ITPR3: variants seen among roughly 807,000 people sequenced by gnomAD.
ITPR3 encodes inositol 1,4,5-trisphosphate receptor type 3.
A neutral mutation model predicts 293.2 loss-of-function variants in ITPR3; 173 were observed. The ratio of observed to expected loss-of-function variants is 0.59; its 90% CI spans 0.52 to 0.67. The LOEUF (loss-of-function observed/expected upper bound fraction) is 0.67, where lower values mean the gene tolerates loss of function less well. ITPR3 is among the 30% of genes least tolerant of loss of function. The pLI is 0.00. For missense variants in ITPR3, 2,796 were observed against 3,592.1 expected (o/e 0.78, Z 5.66); for synonymous variants, 1,295 against 1,444.4 (o/e 0.90, Z 2.35).
rs1357665475 is a variant in ITPR3 at position 33,655,198 on chromosome 6, G to A, written c.161-568G>A. 2.6e-5 allele frequency among the ~76,000 whole-genome samples: 4 copies of A among 152,162 alleles called. No individual in the cohort carries two copies. Among genetic ancestry groups the A allele is most frequent in the Admixed American group, 2.6e-4 (4 of 15,280 alleles). Reference sequence around the variant, plus strand: ...AGGGCAGGAGAAGAAGCTGAGCAAGGGTGTGGTTTCAGTGGAAGATGCGCC... The same window carrying A: ...AGGGCAGGAGAAGAAGCTGAGCAAGAGTGTGGTTTCAGTGGAAGATGCGCC... On this transcript the variant is annotated intron_variant, in intron 2 of 57. Transcript: ENST00000605930. The surrounding 1 kb of genome is among the most constrained non-coding windows in gnomAD (Gnocchi z 4.9).
At chr6:33,688,506 C>A in intron 48 of ITPR3, 75 bp downstream of exon 48, 1 of 1,497,426 alleles carries the variant, frequency 6.7e-7, no homozygotes, top group Non-Finnish European at 8.9e-7. Context: ...GCCTCCTTTG[C>A]CTGCCTGTGG....
chr6:33,660,592 C>G (rs1764437559), intron 7 of ITPR3, among the ~76,000 whole-genome samples: 2 of 152,140 alleles, frequency 1.3e-5, no homozygotes. Flanking sequence ...TCCTGGAAGC[C>G]TTCCCTAATG....
At chr6:33,623,445 G>A (rs1178335426) in intron 1 of ITPR3, among the ~76,000 whole-genome samples, 1 of 149,408 alleles carries the variant, frequency 6.7e-6, no homozygotes, top group Non-Finnish European at 1.5e-5. Flanking sequence ...TCCTGCCTCA[G>A]CTCCCAAAAC....
intron 55 of ITPR3, 127 bp downstream of exon 55, chr6:33,693,020 T>C: frequency 1.1e-6 from 1 of 895,922 alleles, no homozygotes; most frequent in Non-Finnish European, 1.7e-6. Flanking sequence ...ACTTGATGCA[T>C]TTGCTCATCC....
At chr6:33,693,735 G>A in intron 56 of ITPR3, 30 bp downstream of exon 56, 1 of 1,610,202 alleles carries the variant, frequency 6.2e-7, no homozygotes, top group Non-Finnish European at 8.5e-7. Context: ...CAGGCCTGTG[G>A]GCCCAAACCA....
chr6:33,627,328 A>G (rs1763571017), intron 1 of ITPR3, among the ~76,000 whole-genome samples: 1 of 152,208 alleles, frequency 6.6e-6, no homozygotes, highest in Admixed American at 6.5e-5. Context: ...ATTCCCTATG[A>G]CCTTCTAGCC....
chr6:33,695,327 C>CTT, intron 57 of ITPR3: 1 of 574,058 alleles, frequency 1.7e-6, no homozygotes, highest in South Asian at 2.2e-5. Flanking sequence ...GTGGGGCCCT[C>CTT]TGTCTCTCAT....
chr6:33,681,320 C>T (rs1430325903), intron 33 of ITPR3, among the ~76,000 whole-genome samples: 1 of 152,194 alleles, frequency 6.6e-6, no homozygotes, highest in Non-Finnish European at 1.5e-5. Context: ...GACGTGCCAT[C>T]CATGGGATGG....
Position 33,687,029 on chromosome 6 carries a change from C to G in ITPR3, c.6000C>G (p.Leu2000=). Residue 2000 remains leucine (L), a synonymous_variant, in exon 44 of 58, where the codon CTC becomes CTG. Transcript: ENST00000605930. The surrounding 1 kb of genome is among the most constrained non-coding windows in gnomAD (Gnocchi z 5.3). ...LQLKDNASKL[L]LALMESRHDS... ...CCCAGGACAATGCCTCCAAGCTGCT[C>G]CTGGCTCTGATGGAGAGCCGGCATG... The G allele has an allele frequency of 1.2e-6, 2 of 1,613,954 alleles. No individual in the cohort carries two copies. The highest frequency in any genetic ancestry group is 1.7e-6 in the Non-Finnish European group (2 of 1,179,974).
rs1033114887 is a variant in ITPR3, at chr6:33,683,808, C to A, written c.4789-212C>A. Among the ~76,000 whole-genome samples, 1 of 152,190 alleles carries A rather than the reference C, an allele frequency of 6.6e-6. No homozygotes were observed. The highest frequency in any genetic ancestry group is 2.4e-5 in the African/African-American group (1 of 41,446). On this transcript the variant is annotated intron_variant, in intron 35 of 57. Coordinates refer to ENST00000605930, the MANE Select transcript of ITPR3 (RefSeq NM_002224.4). This position sits in a 1 kb window ranked among gnomAD's most constrained non-coding sequence, Gnocchi z 4.5. ...GCTAAGGGGTTTGCCCAAGGTCACA[C>A]AGAGCTGGGAGAGAAGCCAGGCTTG...
At chr6:33,660,212 C>T (rs547960772) in intron 7 of ITPR3, among the ~76,000 whole-genome samples, 60 of 152,032 alleles carry the variant, frequency 3.9e-4, no homozygotes, top group African/African-American at 1.4e-3. Flanking sequence ...GGGGTGTAGA[C>T]GGTCTTGAGG....
In ITPR3 at chr6:33,670,470, C is replaced by T. The variant is rs750223181; in HGVS notation, c.2335C>T (p.His779Tyr). The T allele has an allele frequency of 6.2e-7, 1 of 1,614,056 alleles. No individual in the cohort carries two copies. The highest frequency in any genetic ancestry group is 8.5e-7 in the Non-Finnish European group (1 of 1,180,034). ...CTTTGACCTGCGCGCCTCCTTCTGCCACCTGATGCTGCACGTGCACGTGGA... is the reference window on the plus strand; with the variant it reads ...CTTTGACCTGCGCGCCTCCTTCTGCTACCTGATGCTGCACGTGCACGTGGA... ...LPFDLRASFC[H>Y]LMLHVHVDRD... The change falls in exon 19 of 58, where the codon CAC (histidine) becomes TAC (tyrosine). Residue 779 changes from histidine (H) to tyrosine (Y), a missense_variant. Physicochemically the swap from His to Tyr is moderately conservative, Grantham distance 83 (BLOSUM62 2). Coordinates refer to ENST00000605930, the MANE Select transcript of ITPR3 (RefSeq NM_002224.4). The surrounding 1 kb of genome is among the most constrained non-coding windows in gnomAD (Gnocchi z 6.7).
intron 41 of ITPR3, 109 bp downstream of exon 41, chr6:33,685,936 T>G: frequency 6.6e-7 from 1 of 1,507,606 alleles, no homozygotes; most frequent in Non-Finnish European, 9.0e-7. Context: ...CCCTGGGCAC[T>G]GCTGCTTTGT....
chr6:33,694,846 C>A (rs901628019), intron 56 of ITPR3, 78 bp from the exon 57 acceptor site: 1 of 1,564,878 alleles, frequency 6.4e-7, no homozygotes, highest in South Asian at 1.1e-5. Context: ...GAAGCCTCCC[C>A]CCACATTACT....
chr6:33,636,188 G>A (rs1053478084), intron 1 of ITPR3, among the ~76,000 whole-genome samples: 35 of 150,002 alleles, frequency 2.3e-4, no homozygotes, highest in Non-Finnish European at 4.9e-4. Context: ...TGTAATCCCA[G>A]CTACTTGGGA....
chr6:33,633,374 C>T lies in ITPR3; in HGVS notation c.90-7110C>T, dbSNP rs942404549. 6.6e-6 allele frequency among the ~76,000 whole-genome samples: 1 copy of T among 152,184 alleles called. No homozygotes were observed. Among genetic ancestry groups the T allele is most frequent in the Admixed American group, 6.5e-5 (1 of 15,284 alleles). On this transcript the variant is annotated intron_variant, in intron 1 of 57. Coordinates refer to ENST00000605930, the MANE Select transcript of ITPR3 (RefSeq NM_002224.4). This position sits in a 1 kb window ranked among gnomAD's most constrained non-coding sequence, Gnocchi z 5.2. ...GAAGCGGCCACTTACCCCTGTAGAGCGCGGCTCTGGTTTCAGCGCCCGGTG... is the reference window on the plus strand; with the variant it reads ...GAAGCGGCCACTTACCCCTGTAGAGTGCGGCTCTGGTTTCAGCGCCCGGTG...
At chr6:33,680,526 C>G (rs772537472) in intron 32 of ITPR3, 29 bp from the exon 33 acceptor site, 1 of 1,611,270 alleles carries the variant, frequency 6.2e-7, no homozygotes, top group Non-Finnish European at 8.5e-7. Flanking sequence ...ATGTGAGGAG[C>G]CCCCAGCCAT....
At position 33,671,242 on chromosome 6, in the gene ITPR3, G is replaced by T. The variant is rs754885997; in HGVS notation, c.2664G>T (p.Leu888=). 7.4e-6 allele frequency: 12 copies of T among 1,613,722 alleles called. No individual in the cohort carries two copies. The highest frequency in any genetic ancestry group is 1.3e-5 in the African/African-American group (1 of 75,070). ...FSELLRLTRT[L]LGIIDCVQGP... ...AGCTGCTGCGGCTCACTCGCACACTGCTGGGCATCATCGACTGTGTGCAGG... is the reference window on the plus strand; with the variant it reads ...AGCTGCTGCGGCTCACTCGCACACTTCTGGGCATCATCGACTGTGTGCAGG... The change falls in exon 21 of 58, where the codon CTG becomes CTT. Residue 888 remains leucine (L), a synonymous_variant. Transcript: ENST00000605930.
At chr6:33,689,958 G>A in intron 50 of ITPR3, 76 bp from the exon 51 acceptor site, 1 of 1,544,660 alleles carries the variant, frequency 6.5e-7, no homozygotes. Context: ...GCTCTGAGCT[G>A]GGCACTGGGG....
Sources: allele counts gnomAD v4.1 joint callset (sites outside exome capture counted in the v4.1 genomes callset), GRCh38; gene constraint gnomAD v4.1.1; non-coding constraint Gnocchi (gnomAD v3.1); transcripts MANE v1.5; gene names NCBI Gene and HGNC (gene_info 2026-07-23, HGNC 2026-07-21).